Variants in COG5 observed in about 807,000 individuals in gnomAD.
COG5 encodes the protein conserved oligomeric Golgi complex subunit 5.
COG5 carries 86 observed loss-of-function variants against 110.4 expected under a neutral mutation model. That is an observed-to-expected ratio of 0.78 (90% CI 0.65 to 0.93). COG5 has a LOEUF of 0.93. Among genes scored for constraint, COG5 ranks in the 40% least tolerant of loss-of-function variants. The pLI is 0.00. For synonymous variants in COG5, 360 were observed against 334.6 expected (o/e 1.08, Z -0.83); for missense variants, 1,077 against 987.0 (o/e 1.09, Z -1.22).
At chr7:107,391,121 G>T (rs1044316849) in intron 7 of COG5, among the ~76,000 whole-genome samples, 1 of 151,938 alleles carries the variant, frequency 6.6e-6, no homozygotes, top group Non-Finnish European at 1.5e-5. Context: ...GGTCGGCAAC[G>T]GTGATTACCT....
At chr7:107,296,443 T>C (rs1806755151) in intron 12 of COG5, among the ~76,000 whole-genome samples, 1 of 152,074 alleles carries the variant, frequency 6.6e-6, no homozygotes, top group African/African-American at 2.4e-5. Context: ...TCAACAGACA[T>C]AGGTTCTGTT....
intron 10 of COG5, among the ~76,000 whole-genome samples, chr7:107,344,003 T>C (rs1811391316): frequency 6.6e-6 from 1 of 152,118 alleles, no homozygotes; most frequent in East Asian, 1.9e-4. Flanking sequence ...TTTAGCATCA[T>C]TCTTAAAGGC....
In COG5 at chr7:107,452,770, CCTT is replaced by C. The variant is rs1403062914; in HGVS notation, c.539-40141_539-40139del. On this transcript the variant is annotated intron_variant, in intron 6 of 21. Coordinates refer to ENST00000297135, the MANE Select transcript of COG5 (RefSeq NM_006348.5). Reference sequence around the variant, plus strand: ...GTGTGAAAACGGACTAATACACTGTCCTTCTTTTCTTGTATTCCCCATCTTTAA... The same window carrying C: ...GTGTGAAAACGGACTAATACACTGTCCTTTTCTTGTATTCCCCATCTTTAA... Among the ~76,000 whole-genome samples, 4 of 152,120 alleles carry C rather than the reference CCTT, an allele frequency of 2.6e-5. No individual in the cohort carries two copies. The East Asian group carries it at 5.8e-4, about 22-fold the overall frequency.
At chr7:107,403,118 G>A (rs1445910275) in intron 7 of COG5, among the ~76,000 whole-genome samples, 1 of 152,098 alleles carries the variant, frequency 6.6e-6, no homozygotes, top group Non-Finnish European at 1.5e-5. Context: ...GAGGTTATTT[G>A]CATTTACTAA....
At chr7:107,294,186 T>C (rs1308328345) in intron 12 of COG5, among the ~76,000 whole-genome samples, 1 of 152,194 alleles carries the variant, frequency 6.6e-6, no homozygotes, top group Admixed American at 6.5e-5. Context: ...TTCACCAGTT[T>C]CAAAAGAAAA....
chr7:107,281,413 A>G lies in COG5; in HGVS notation c.1476-14T>C. On this transcript the variant is annotated splice_polypyrimidine_tract_variant and intron_variant, in intron 13 of 21. Transcript: ENST00000297135. Reference sequence around the variant, plus strand: ...ACATTTAGTTCACTGGAGAAAATGAAAACAGTTTTTAAATATTAGCAACAT... The same window carrying G: ...ACATTTAGTTCACTGGAGAAAATGAGAACAGTTTTTAAATATTAGCAACAT... 1 of 1,584,298 alleles carries G rather than the reference A, an allele frequency of 6.3e-7. No homozygotes were observed. The highest frequency in any genetic ancestry group is 8.7e-7 in the Non-Finnish European group (1 of 1,153,042).
At chr7:107,422,452 C>G (rs1043482168) in intron 6 of COG5, among the ~76,000 whole-genome samples, 1 of 151,986 alleles carries the variant, frequency 6.6e-6, no homozygotes, top group Non-Finnish European at 1.5e-5. Context: ...GCTTGAACCC[C>G]GGAGGCGGAG....
chr7:107,279,348 G>C (rs1226650129), intron 14 of COG5, among the ~76,000 whole-genome samples: 2 of 152,088 alleles, frequency 1.3e-5, no homozygotes, highest in Non-Finnish European at 2.9e-5. Flanking sequence ...TCTTTGAAAA[G>C]AATCTCCTAC....
intron 5 of COG5, among the ~76,000 whole-genome samples, chr7:107,537,206 T>C (rs531604451): frequency 6.6e-6 from 1 of 152,232 alleles, no homozygotes; most frequent in Non-Finnish European, 1.5e-5. Context: ...AGCAATCCCA[T>C]TACAGGGTAT....
At chr7:107,321,881 A>C (rs1354059276) in intron 11 of COG5, among the ~76,000 whole-genome samples, 1 of 152,200 alleles carries the variant, frequency 6.6e-6, no homozygotes, top group Non-Finnish European at 1.5e-5. Context: ...CAGGATTTAA[A>C]ACTTTTGTCC....
intron 12 of COG5, among the ~76,000 whole-genome samples, chr7:107,295,097 ATATATTTTTT>A (rs1487282849): frequency 7.1e-5 from 5 of 70,578 alleles, no homozygotes; most frequent in African/African-American, 3.1e-4. Context: ...ATATATATAT[ATATATTTTTT>A]TTTTTTTTTT....
intron 19 of COG5, among the ~76,000 whole-genome samples, chr7:107,217,056 G>A (rs1799581244): frequency 1.3e-5 from 2 of 152,112 alleles, no homozygotes; most frequent in African/African-American, 2.4e-5. Flanking sequence ...TGGTACCACT[G>A]AAATACAAAG....
Position 107,264,898 on chromosome 7 carries a change from T to TA in COG5, c.1576-6516dup, listed in dbSNP as rs1010859833. 9.2e-4 allele frequency among the ~76,000 whole-genome samples: 140 copies of TA among 151,418 alleles called. 1 individual carries two copies. The highest frequency in any genetic ancestry group is 4.5e-3 in the Admixed American group (68 of 15,196). Reference sequence around the variant, plus strand: ...GGAGCTAAAGTGACACTGTGAACTGTAAAAAAAGAAAGCAGATATGTCTAT... The same window carrying TA: ...GGAGCTAAAGTGACACTGTGAACTGTAAAAAAAAGAAAGCAGATATGTCTAT... On this transcript the variant is annotated intron_variant, in intron 14 of 21. Transcript: ENST00000297135.
chr7:107,549,200 C>G (rs1802695919), intron 3 of COG5: 1 of 152,136 alleles, frequency 6.6e-6, no homozygotes, highest in Admixed American at 6.6e-5. Flanking sequence ...TACTTATAAC[C>G]ATTTTCTTAC....
Position 107,284,357 on chromosome 7 carries a change from T to C in COG5, c.1314-625A>G, listed in dbSNP as rs564867206. ...ATCCTATTAATGCTAATGGGGGCTA[T>C]GCCTTTACTTGTAAATCATACCTAT... On this transcript the variant is annotated intron_variant, in intron 12 of 21. Coordinates refer to ENST00000297135, the MANE Select transcript of COG5 (RefSeq NM_006348.5). Among the ~76,000 whole-genome samples, 12 of 152,346 alleles carry C rather than the reference T, an allele frequency of 7.9e-5. No homozygotes were observed. The South Asian group carries it at 2.5e-3, about 32-fold the overall frequency.
At chr7:107,274,488 T>C (rs1317283551) in intron 14 of COG5, among the ~76,000 whole-genome samples, 1 of 152,112 alleles carries the variant, frequency 6.6e-6, no homozygotes, top group African/African-American at 2.4e-5. Flanking sequence ...ACGGGAATAT[T>C]TTCTCTCCTG....
At chr7:107,335,364 T>C (rs985428334) in intron 10 of COG5, among the ~76,000 whole-genome samples, 1 of 152,148 alleles carries the variant, frequency 6.6e-6, no homozygotes, top group Non-Finnish European at 1.5e-5. Context: ...CACTCCAGCC[T>C]GGGCTACAGA....
intron 18 of COG5, among the ~76,000 whole-genome samples, chr7:107,233,552 A>G (rs1447644657): frequency 6.6e-6 from 1 of 152,182 alleles, no homozygotes; most frequent in Non-Finnish European, 1.5e-5. Context: ...TCTCTTTGCA[A>G]TTGGACTTTA....
chr7:107,502,220 C>T (rs760515450), intron 6 of COG5, among the ~76,000 whole-genome samples: 5 of 152,026 alleles, frequency 3.3e-5, no homozygotes, highest in East Asian at 1.9e-4. Context: ...TAAGTCTTTG[C>T]GTATTCTTAG....
Sources: gnomAD v4.1 joint callset for allele counts (sites outside exome capture counted in the v4.1 genomes callset) on GRCh38, gnomAD v4.1.1 for gene constraint, MANE v1.5 for transcripts, NCBI Gene and HGNC (gene_info 2026-07-23, HGNC 2026-07-21) for gene names.